SIX2: variants seen among roughly 807,000 people sequenced by gnomAD.
SIX2 encodes SIX homeobox 2.
Under a neutral mutation model 22.8 loss-of-function variants are expected in SIX2, and 20 were observed. That is an observed-to-expected ratio of 0.88 (90% CI 0.62 to 1.28). The LOEUF is 1.28. Ranked by LOEUF, SIX2 falls within the 50% of genes most tolerant of loss-of-function variation. The pLI is 0.00. For missense variants in SIX2, 360 were observed against 400.0 expected, an observed-to-expected ratio of 0.90 and a Z score of 0.85; for synonymous variants, 195 against 186.4, an observed-to-expected ratio of 1.05 and a Z score of -0.37.
intron 1 of SIX2, among the ~76,000 whole-genome samples, chr2:45,007,892 C>T (rs750314079): frequency 3.2e-4 from 49 of 152,102 alleles, no homozygotes; most frequent in South Asian, 6.2e-4. Context: ...GCATCAAGGG[C>T]CTGGAGTGCC....
chr2:45,008,547 G>C lies in SIX2; in HGVS notation c.560+4C>G, dbSNP rs778840320. The stretch of plus-strand genomic sequence containing the variant: ...GGCGCCGAAGAAGGTCTACTTACTC[G>C]TACCTTTCCTTGGCCTCGGCCGCCC... On this transcript the variant is annotated splice_donor_region_variant and intron_variant, in intron 1 of 1. Transcript: ENST00000303077. The C allele has an allele frequency of 5.0e-6, 8 of 1,613,142 alleles. No individual in the cohort carries two copies. The highest frequency in any genetic ancestry group is 6.8e-6 in the Non-Finnish European group (8 of 1,179,832).
At chr2:45,007,035 G>A (rs1470249198) in intron 1 of SIX2, among the ~76,000 whole-genome samples, 1 of 152,186 alleles carries the variant, frequency 6.6e-6, no homozygotes. Flanking sequence ...CAGGCTCCTG[G>A]GGCTAAGCGT....
At chr2:45,008,374 G>T (rs113925062) in intron 1 of SIX2, among the ~76,000 whole-genome samples, 177 bp downstream of exon 1, 8 of 152,256 alleles carry the variant, frequency 5.3e-5, no homozygotes, top group South Asian at 2.1e-4. Context: ...ATCCCTGCTC[G>T]CCGGGTCTCC....
Position 45,009,060 on chromosome 2 carries a change from C to G in SIX2, c.51G>C (p.Val17=). 1 of 1,603,086 alleles carries G rather than the reference C, an allele frequency of 6.2e-7. No individual in the cohort carries two copies. The highest frequency in any genetic ancestry group is 1.3e-5 in the African/African-American group (1 of 74,946). Residue 17 remains valine (V), a synonymous_variant, in exon 1 of 2, where the codon GTG becomes GTC. Transcript: ENST00000303077. ...FGFTQEQVAC[V]CEVLQQGGNI... ...TGCCGCCCTGCTGCAGCACCTCGCACACGCACGCCACTTGCTCCTGCGTGA... is the reference window on the plus strand; with the variant it reads ...TGCCGCCCTGCTGCAGCACCTCGCAGACGCACGCCACTTGCTCCTGCGTGA...
At chr2:45,008,106 C>T (rs1184811488) in intron 1 of SIX2, among the ~76,000 whole-genome samples, 1 of 152,224 alleles carries the variant, frequency 6.6e-6, no homozygotes, top group East Asian at 1.9e-4. Flanking sequence ...CAGTCCCGAC[C>T]CCATCACACT....
Position 45,005,651 on chromosome 2 carries a change from C to A in SIX2, c.*519G>T, listed in dbSNP as rs1052743031. ...AGGAGGAGAAAGACAGGGGTACATA[C>A]GGAGGGACCAGGACACAGAGTACAA... On this transcript the variant is annotated 3_prime_UTR_variant, in exon 2 of 2. Transcript: ENST00000303077. 4 of 195,768 alleles carry A rather than the reference C, an allele frequency of 2.0e-5. No individual in the cohort carries two copies. In the South Asian group the frequency reaches 3.9e-4, roughly 19 times the overall value. 12.1% of individuals were successfully genotyped at this position (195,768 alleles called of 1,614,324 possible). A position where few individuals can be genotyped will look rare whatever the true frequency, so the allele number is the denominator to read the frequency against.
At position 45,009,310 on chromosome 2, in the gene SIX2, A is replaced by C; in HGVS notation, c.-200T>G. On this transcript the variant is annotated 5_prime_UTR_variant, in exon 1 of 2. Transcript: ENST00000303077. ...GGGTCCCACGAAGCTCCGAACCCCA[A>C]CGGCCCGCGCGCCTGGCCCAAGCCC... 32 of 246,218 alleles carry C rather than the reference A, an allele frequency of 1.3e-4. No individual in the cohort carries two copies. The highest frequency in any genetic ancestry group is 2.0e-4 in the East Asian group (2 of 9,792). 15.3% of individuals were successfully genotyped at this position (246,218 alleles called of 1,614,324 possible). A position where few individuals can be genotyped will look rare whatever the true frequency, so the allele number is the denominator to read the frequency against.
Position 45,006,416 on chromosome 2 carries a change from GCCTAACA to G in SIX2, c.623_629del (p.Val208AlafsTer88). The G allele has an allele frequency of 6.2e-7, 1 of 1,614,160 alleles. No individual in the cohort carries two copies. The highest frequency in any genetic ancestry group is 8.5e-7 in the Non-Finnish European group (1 of 1,180,032). On this transcript the variant is annotated frameshift_variant, in exon 2 of 2. Transcript: ENST00000303077. LOFTEE classifies it high-confidence loss of function. This position sits in a 1 kb window ranked among gnomAD's most constrained non-coding sequence, Gnocchi z 4.2. ...ATGGAGTCTTCTCATCCTCCGAGCT[GCCTAACA>G]CCGACTTGCCGCTGCCATTCAGCGG...
Position 45,006,273 on chromosome 2 carries a change from G to T in SIX2, c.773C>A (p.Pro258Gln), listed in dbSNP as rs373961258. Reference protein sequence around the residue: ...HPPGPSAVPVPVPGGGGADPL... With the variant: ...HPPGPSAVPVQVPGGGGADPL... ...GTCCGCTCCACCTCCGCCTGGCACC[G>T]GCACTGGCACTGCGCTGGGGCCCGG... Residue 258 changes from proline to glutamine, a missense_variant, in exon 2 of 2, where the codon CCG becomes CAG. Coordinates refer to ENST00000303077, the MANE Select transcript of SIX2 (RefSeq NM_016932.5). The surrounding 1 kb of genome is among the most constrained non-coding windows in gnomAD (Gnocchi z 4.2). The T allele has an allele frequency of 1.5e-5, 24 of 1,614,152 alleles. No homozygotes were observed. In the East Asian group the frequency reaches 2.7e-4, roughly 18 times the overall value.
rs368466313 is a variant in SIX2, at chr2:45,006,434, G to A, written c.612C>T (p.Ser204=). The A allele has an allele frequency of 8.1e-5, 131 of 1,614,142 alleles. 1 individual carries two copies. The East Asian group carries it at 9.8e-4, about 12-fold the overall frequency. ...NSNSHNPLNG[S]GKSVLGSSED... is the part of the protein sequence containing the mutation. ...CCGAGCTGCCTAACACCGACTTGCCGCTGCCATTCAGCGGGTTGTGGCTGT... is the reference window on the plus strand; with the variant it reads ...CCGAGCTGCCTAACACCGACTTGCCACTGCCATTCAGCGGGTTGTGGCTGT... The change falls in exon 2 of 2, where the codon AGC becomes AGT. Residue 204 remains serine (S), a synonymous_variant. Coordinates refer to ENST00000303077, the MANE Select transcript of SIX2 (RefSeq NM_016932.5). The surrounding 1 kb of genome is among the most constrained non-coding windows in gnomAD (Gnocchi z 4.2).
At position 45,006,216 on chromosome 2, in the gene SIX2, G is replaced by A. The variant is rs779212821; in HGVS notation, c.830C>T (p.Ser277Phe). Residue 277 changes from serine to phenylalanine, a missense_variant, in exon 2 of 2, where the codon TCC becomes TTC. Physicochemically the swap from Ser to Phe is radical, Grantham distance 155. This residue lies in a region of SIX2 where 235 missense variants were observed against 231.9 expected (regional missense o/e 1.01). Transcript: ENST00000303077. The surrounding 1 kb of genome is among the most constrained non-coding windows in gnomAD (Gnocchi z 4.2). The stretch of plus-strand genomic sequence containing the variant: ...GTTGGCTGACATGGGGTTGAGGATG[G>A]AGTCCTGCAGGCCATGGTGGTGTTG... ...PLQHHHGLQD[S>F]ILNPMSANLV... is the part of the protein sequence containing the mutation. The A allele has an allele frequency of 1.2e-5, 19 of 1,614,230 alleles. No individual in the cohort carries two copies. In the South Asian group the frequency reaches 2.1e-4, roughly 18 times the overall value.
intron 1 of SIX2, 44 bp downstream of exon 1, chr2:45,008,507 G>A: frequency 6.3e-7 from 1 of 1,596,800 alleles, no homozygotes; most frequent in Non-Finnish European, 8.5e-7. Context: ...CCCCTCCCTT[G>A]GGCCCCGGGG....
chr2:45,006,487 T>A lies in SIX2; in HGVS notation c.561-2A>T. On this transcript the variant is annotated splice_acceptor_variant, in intron 1 of 1. Transcript: ENST00000303077. LOFTEE classifies it high-confidence loss of function. This position sits in a 1 kb window ranked among gnomAD's most constrained non-coding sequence, Gnocchi z 4.2. The stretch of plus-strand genomic sequence containing the variant: ...GAATTGGAGTTCTCGTTGTTCTCCC[T>A]GCAAGTGCGGGAGCAAAGCAGCGGG... 6.2e-7 allele frequency: 1 copy of A among 1,612,542 alleles called. No individual in the cohort carries two copies. Among genetic ancestry groups the A allele is most frequent in the Non-Finnish European group, 8.5e-7 (1 of 1,179,776 alleles).
Position 45,008,764 on chromosome 2 carries a change from G to A in SIX2, c.347C>T (p.Pro116Leu). The A allele has an allele frequency of 6.2e-7, 1 of 1,613,928 alleles. No individual in the cohort carries two copies. Among genetic ancestry groups the A allele is most frequent in the South Asian group, 1.1e-5 (1 of 91,082 alleles). ...VGKYRVRRKF[P>L]LPRSIWDGEE... ...GCCGTCCCAGATGGAGCGCGGCAGC[G>A]GGAATTTGCGGCGCACGCGGTATTT... The change falls in exon 1 of 2, where the codon CCG (proline) becomes CTG (leucine). Residue 116 changes from proline to leucine, a missense_variant. Transcript: ENST00000303077.
rs1214088555 is a variant in SIX2, at chr2:45,005,687, G to T, written c.*483C>A. 7.2e-6 allele frequency: 2 copies of T among 278,584 alleles called. No individual in the cohort carries two copies. The highest frequency in any genetic ancestry group is 8.0e-5 in the South Asian group (2 of 25,146). The allele number at this position is 278,584 out of a possible 1,614,324, so 17.3% of individuals were successfully genotyped here. On this transcript the variant is annotated 3_prime_UTR_variant, in exon 2 of 2. Coordinates refer to ENST00000303077, the MANE Select transcript of SIX2 (RefSeq NM_016932.5). ...GGACACAGAGTACAAGAGACTGGCA[G>T]GAGAGAAGAGAGGAGAAACAGAGAA... is the stretch of plus-strand genomic sequence containing the variant.
rs200867142 is a variant in SIX2, at chr2:45,006,221, C to T, written c.825G>A (p.Gln275=). The T allele has an allele frequency of 4.3e-6, 7 of 1,614,254 alleles. No individual in the cohort carries two copies. In the Admixed American group the frequency reaches 8.3e-5, roughly 19 times the overall value. Residue 275 remains glutamine (Q), a synonymous_variant, in exon 2 of 2, where the codon CAG becomes CAA. Coordinates refer to ENST00000303077, the MANE Select transcript of SIX2 (RefSeq NM_016932.5). This position sits in a 1 kb window ranked among gnomAD's most constrained non-coding sequence, Gnocchi z 4.2. ...CTGACATGGGGTTGAGGATGGAGTCCTGCAGGCCATGGTGGTGTTGCAGTG... is the reference window on the plus strand; with the variant it reads ...CTGACATGGGGTTGAGGATGGAGTCTTGCAGGCCATGGTGGTGTTGCAGTG... ...ADPLQHHHGL[Q]DSILNPMSAN... is the part of the protein sequence containing the mutation.
chr2:45,009,260 T>A lies in SIX2; in HGVS notation c.-150A>T. 1 of 499,204 alleles carries A rather than the reference T, an allele frequency of 2.0e-6. No homozygotes were observed. The highest frequency in any genetic ancestry group is 2.9e-6 in the Non-Finnish European group (1 of 345,436). 30.9% of individuals were successfully genotyped at this position (499,204 alleles called of 1,614,324 possible). The stretch of plus-strand genomic sequence containing the variant: ...TGGCCCCCGGTGAGCCCCGAGTCAC[T>A]GCCGTACGTCCCCGCGCCGGCCGCG... On this transcript the variant is annotated 5_prime_UTR_variant, in exon 1 of 2. Transcript: ENST00000303077.
Position 45,008,810 on chromosome 2 carries a change from G to A in SIX2, c.301C>T (p.Arg101Ter). The A allele has an allele frequency of 6.2e-7, 1 of 1,613,870 alleles. No homozygotes were observed. Among genetic ancestry groups the A allele is most frequent in the Non-Finnish European group, 8.5e-7 (1 of 1,179,964 alleles). Reference sequence around the variant, plus strand: ...TATTTGCCCACGGCGCCCAGGGGTCGGCCGCGCAGCTTCTCCGCCTCGATG... The same window carrying A: ...TATTTGCCCACGGCGCCCAGGGGTCAGCCGCGCAGCTTCTCCGCCTCGATG... ...HYIEAEKLRG[R>*]PLGAVGKYRV... The change falls in exon 1 of 2, where the codon CGA becomes TGA. Residue 101 changes from arginine (R) to a stop codon, truncating the protein, a stop_gained. Coordinates refer to ENST00000303077, the MANE Select transcript of SIX2 (RefSeq NM_016932.5). LOFTEE classifies it high-confidence loss of function.
rs1394022009 is a variant in SIX2, at chr2:45,005,328, T to C, written c.*842A>G. On this transcript the variant is annotated 3_prime_UTR_variant, in exon 2 of 2. Coordinates refer to ENST00000303077, the MANE Select transcript of SIX2 (RefSeq NM_016932.5). Reference sequence around the variant, plus strand: ...GGGGGGCGCGCTCAGCCGGGAGCGCTGTAGTCACAGTCCCGGGAGGAAGAG... The same window carrying C: ...GGGGGGCGCGCTCAGCCGGGAGCGCCGTAGTCACAGTCCCGGGAGGAAGAG... 1 of 152,232 alleles carries C rather than the reference T, an allele frequency of 6.6e-6. No individual in the cohort carries two copies. Among genetic ancestry groups the C allele is most frequent in the African/African-American group, 2.4e-5 (1 of 41,442 alleles). 9.4% of individuals were successfully genotyped at this position (152,232 alleles called of 1,614,324 possible). A position where few individuals can be genotyped will look rare whatever the true frequency, so the allele number is the denominator to read the frequency against.
Sources: gnomAD v4.1 joint callset for allele counts (sites outside exome capture counted in the v4.1 genomes callset) on GRCh38, gnomAD v4.1.1 for gene constraint, gnomAD v4.1.1 regional missense constraint, Gnocchi (gnomAD v3.1) non-coding constraint, MANE v1.5 for transcripts, NCBI Gene and HGNC (gene_info 2026-07-23, HGNC 2026-07-21) for gene names.